The following UBE2O variants were observed in gnomAD, a reference collection of about 807,000 sequenced individuals.
UBE2O encodes the protein ubiquitin conjugating enzyme E2 O, also known as (E3-independent) E2 ubiquitin-conjugating enzyme.
Under a neutral mutation model 125.8 loss-of-function variants are expected in UBE2O, and 15 were observed. That is an observed-to-expected ratio of 0.12 (90% confidence interval 0.08 to 0.18). UBE2O has a LOEUF of 0.18. Among genes scored for constraint, UBE2O ranks in the 10% least tolerant of loss-of-function variants. The pLI, the probability that UBE2O is intolerant of heterozygous loss-of-function variation, is 1.00. For synonymous variants in UBE2O, 708 were observed against 703.2 expected (o/e 1.01, Z -0.11); for missense variants, 1,280 against 1,723.6 (o/e 0.74, Z 4.56).
At chr17:76,406,249 G>A (rs1475496197) in intron 1 of UBE2O, among the ~76,000 whole-genome samples, 1 of 152,210 alleles carries the variant, frequency 6.6e-6, no homozygotes, top group Non-Finnish European at 1.5e-5. Flanking sequence ...GCCTCCTGCT[G>A]CTCCATCGCC....
At chr17:76,415,843 G>A (rs1307418842) in intron 1 of UBE2O, among the ~76,000 whole-genome samples, 1 of 146,504 alleles carries the variant, frequency 6.8e-6, no homozygotes, top group Non-Finnish European at 1.5e-5. Flanking sequence ...ACACATATAT[G>A]TATATACAAA....
In UBE2O at chr17:76,452,964, G is replaced by A; in HGVS notation, c.178C>T (p.Leu60=). The A allele has an allele frequency of 4.7e-6, 7 of 1,495,644 alleles. No individual in the cohort carries two copies. The highest frequency in any genetic ancestry group is 6.2e-6 in the Non-Finnish European group (7 of 1,122,436). 92.6% of individuals were successfully genotyped at this position (1,495,644 alleles called of 1,614,324 possible). A position where few individuals can be genotyped will look rare whatever the true frequency, so the allele number is the denominator to read the frequency against. ...CCCGACACCAGGTCGTGAGAAAACA[G>A]CAGGCGCTGCGAGCCGGCTTCTGGG... ...SGPEAGSQRL[L]FSHDLVSGRY... is the part of the protein sequence containing the mutation. Residue 60 remains leucine, a synonymous_variant, in exon 1 of 18, where the codon CTG becomes TTG. Coordinates refer to ENST00000319380, the MANE Select transcript of UBE2O (RefSeq NM_022066.4). The surrounding 1 kb of genome is among the most constrained non-coding windows in gnomAD (Gnocchi z 4.4).
intron 1 of UBE2O, among the ~76,000 whole-genome samples, chr17:76,433,604 A>T (rs575110314): frequency 5.2e-5 from 2 of 38,106 alleles, no homozygotes; most frequent in African/African-American, 1.7e-4. Context: ...TGTCTCAATA[A>T]ACCTTTTTTT....
chr17:76,412,684 G>A (rs1435525960), intron 1 of UBE2O, among the ~76,000 whole-genome samples: 1 of 152,168 alleles, frequency 6.6e-6, no homozygotes, highest in African/African-American at 2.4e-5. Context: ...CAGGGGTCAC[G>A]TGTGTTAGTG....
Position 76,400,827 on chromosome 17 carries a change from T to C in UBE2O, c.894+184A>G, listed in dbSNP as rs1043757982. The stretch of plus-strand genomic sequence containing the variant: ...TGTACAGGCTGGGCTGGGGCACATC[T>C]GTCTTTTGGTCACTATGACCAGAGC... On this transcript the variant is annotated intron_variant, in intron 6 of 17. Transcript: ENST00000319380. The surrounding 1 kb of genome is among the most constrained non-coding windows in gnomAD (Gnocchi z 4.3). 2.0e-5 allele frequency among the ~76,000 whole-genome samples: 3 copies of C among 152,208 alleles called. No individual in the cohort carries two copies. Among genetic ancestry groups the C allele is most frequent in the Non-Finnish European group, 2.9e-5 (2 of 68,030 alleles).
intron 1 of UBE2O, among the ~76,000 whole-genome samples, chr17:76,431,726 G>C (rs1278086561): frequency 6.6e-6 from 1 of 152,218 alleles, no homozygotes; most frequent in African/African-American, 2.4e-5. Flanking sequence ...GGGACTGCTT[G>C]AAACCAGGAG....
chr17:76,425,217 C>T (rs1311974036), intron 1 of UBE2O, among the ~76,000 whole-genome samples: 1 of 118,320 alleles, frequency 8.5e-6, no homozygotes, highest in East Asian at 2.3e-4. Flanking sequence ...TTCTCAAGGT[C>T]CTTTCGACAA....
At chr17:76,432,605 G>T (rs996057735) in intron 1 of UBE2O, among the ~76,000 whole-genome samples, 1 of 152,098 alleles carries the variant, frequency 6.6e-6, no homozygotes, top group African/African-American at 2.4e-5. Flanking sequence ...AGGAAAGGGG[G>T]TTAAATCCCA....
chr17:76,429,862 C>T (rs1034753510), intron 1 of UBE2O, among the ~76,000 whole-genome samples: 2 of 152,162 alleles, frequency 1.3e-5, no homozygotes, highest in Admixed American at 6.5e-5. Flanking sequence ...GTTACCCTGC[C>T]CCTTGCTCTG....
At position 76,396,253 on chromosome 17, in the gene UBE2O, T is replaced by C. The variant is rs780325970; in HGVS notation, c.2684A>G (p.Gln895Arg). The change falls in exon 14 of 18, where the codon CAG (glutamine) becomes CGG (arginine). Residue 895 changes from glutamine (Q) to arginine (R), a missense_variant. By Grantham distance (43) the Gln-to-Arg change is conservative. This residue lies in a region of UBE2O where 116 missense variants were observed against 154.8 expected (regional missense o/e 0.75). Transcript: ENST00000319380. The surrounding 1 kb of genome is among the most constrained non-coding windows in gnomAD (Gnocchi z 6.7). ...GGGCCACTCAGCCTTCACAGGTGACTGCCCCTCGGGCTTGTCCTCCTTGCG... is the reference window on the plus strand; with the variant it reads ...GGGCCACTCAGCCTTCACAGGTGACCGCCCCTCGGGCTTGTCCTCCTTGCG... ...VERKEDKPEG[Q>R]SPVKAEWPSE... 2 of 1,614,258 alleles carry C rather than the reference T, an allele frequency of 1.2e-6. No individual in the cohort carries two copies. The highest frequency in any genetic ancestry group is 1.7e-5 in the Admixed American group (1 of 60,038).
chr17:76,452,785 G>A lies in UBE2O; in HGVS notation c.357C>T (p.Arg119=). The A allele has an allele frequency of 2.0e-6, 3 of 1,521,904 alleles. No homozygotes were observed. The highest frequency in any genetic ancestry group is 2.6e-6 in the Non-Finnish European group (3 of 1,141,814). 94.3% of individuals were successfully genotyped at this position (1,521,904 alleles called of 1,614,324 possible). A position where few individuals can be genotyped will look rare whatever the true frequency, so the allele number is the denominator to read the frequency against. ...GGTACCACTGGACGCGCACGTAGCCGCGGCGCAGGGGGCTGGCCCGGCCCT... is the reference window on the plus strand; with the variant it reads ...GGTACCACTGGACGCGCACGTAGCCACGGCGCAGGGGGCTGGCCCGGCCCT... ...HEEGRASPLR[R]GYVRVQWYPE... is the part of the protein sequence containing the mutation. Residue 119 remains arginine, a synonymous_variant, in exon 1 of 18, where the codon CGC becomes CGT. Transcript: ENST00000319380. This position sits in a 1 kb window ranked among gnomAD's most constrained non-coding sequence, Gnocchi z 4.4.
chr17:76,423,780 AG>A (rs2072750793), intron 1 of UBE2O, among the ~76,000 whole-genome samples: 1 of 151,776 alleles, frequency 6.6e-6, no homozygotes, highest in Admixed American at 6.6e-5. Context: ...ATTCAGGCCC[AG>A]GACATAATTG....
intron 1 of UBE2O, among the ~76,000 whole-genome samples, chr17:76,440,708 A>C (rs1032001937): frequency 1.3e-5 from 2 of 152,194 alleles, no homozygotes; most frequent in Admixed American, 1.3e-4. Flanking sequence ...GGAAAACTAC[A>C]GCCTGCAGGT....
At chr17:76,442,853 A>G (rs973557509) in intron 1 of UBE2O, among the ~76,000 whole-genome samples, 1 of 152,194 alleles carries the variant, frequency 6.6e-6, no homozygotes, top group Non-Finnish European at 1.5e-5. Flanking sequence ...GAGACCAGGG[A>G]GAAGGCTACA....
rs746317437 is a variant in UBE2O at position 76,397,868 on chromosome 17, G to T, written c.2046C>A (p.Ala682=). ...KEDEPSVGQV[A]RVDVSSKVEV... ...CCACCTTGCTGCTGACGTCCACACGGGCCACCTGGCCCACCGATGGCTGCT... is the reference window on the plus strand; with the variant it reads ...CCACCTTGCTGCTGACGTCCACACGTGCCACCTGGCCCACCGATGGCTGCT... The change falls in exon 13 of 18, where the codon GCC becomes GCA. Residue 682 remains alanine (A), a synonymous_variant. Coordinates refer to ENST00000319380, the MANE Select transcript of UBE2O (RefSeq NM_022066.4). The T allele has an allele frequency of 6.2e-7, 1 of 1,613,994 alleles. No individual in the cohort carries two copies. Among genetic ancestry groups the T allele is most frequent in the African/African-American group, 1.3e-5 (1 of 74,940 alleles).
In UBE2O at chr17:76,452,660, T is replaced by C; in HGVS notation, c.417+65A>G. The C allele has an allele frequency of 2.3e-6, 3 of 1,326,646 alleles. No homozygotes were observed. Among genetic ancestry groups the C allele is most frequent in the Non-Finnish European group, 2.9e-6 (3 of 1,044,754 alleles). The allele number at this position is 1,326,646 out of a possible 1,614,324, so 82.2% of individuals were successfully genotyped here. ...CGGGCAGGGCCCTGCACGCCGTCCT[T>C]CCCTGGCCTCGGCCCGGCCGCCGAC... On this transcript the variant is annotated intron_variant, in intron 1 of 17. Coordinates refer to ENST00000319380, the MANE Select transcript of UBE2O (RefSeq NM_022066.4). This position sits in a 1 kb window ranked among gnomAD's most constrained non-coding sequence, Gnocchi z 4.4.
intron 1 of UBE2O, among the ~76,000 whole-genome samples, chr17:76,412,656 C>T (rs1463239365): frequency 6.6e-6 from 1 of 152,078 alleles, no homozygotes; most frequent in African/African-American, 2.4e-5. Context: ...ACAGGTGTGG[C>T]GCCACTATAG....
chr17:76,447,487 ATC>A lies in UBE2O; in HGVS notation c.417+5236_417+5237del, dbSNP rs2143921005. Reference sequence around the variant, plus strand: ...ACCTTAAAATATAAAGCAATACTCTATCATCTTTGTAATTTATAATCTCATTA... The same window carrying A: ...ACCTTAAAATATAAAGCAATACTCTAATCTTTGTAATTTATAATCTCATTA... On this transcript the variant is annotated intron_variant, in intron 1 of 17. Transcript: ENST00000319380. Among the ~76,000 whole-genome samples the A allele has an allele frequency of 2.0e-5, 3 of 152,278 alleles. No individual in the cohort carries two copies. In the East Asian group the frequency reaches 5.8e-4, roughly 29 times the overall value.
At position 76,453,146 on chromosome 17, in the gene UBE2O, G is replaced by C. The variant is rs1282430827; in HGVS notation, c.-5C>G. The C allele has an allele frequency of 1.7e-6, 1 of 582,890 alleles. No individual in the cohort carries two copies. The highest frequency in any genetic ancestry group is 2.5e-6 in the Non-Finnish European group (1 of 394,470). 36.1% of individuals were successfully genotyped at this position (582,890 alleles called of 1,614,324 possible). A position where few individuals can be genotyped will look rare whatever the true frequency, so the allele number is the denominator to read the frequency against. ...GGGGGCTGCGGGATCCGCCATAACT[G>C]CTCTGCGCGAGTCTCGGGCGGCGGC... is the stretch of plus-strand genomic sequence containing the variant. On this transcript the variant is annotated 5_prime_UTR_variant, in exon 1 of 18. Transcript: ENST00000319380.
Sources: gnomAD v4.1 joint callset for allele counts (sites outside exome capture counted in the v4.1 genomes callset) on GRCh38, gnomAD v4.1.1 for gene constraint, gnomAD v4.1.1 regional missense constraint, Gnocchi (gnomAD v3.1) non-coding constraint, MANE v1.5 for transcripts, NCBI Gene and HGNC (gene_info 2026-07-23, HGNC 2026-07-21) for gene names.